The following SMARCC2 variants were observed in gnomAD, a reference collection of about 807,000 sequenced individuals.
The protein encoded by SMARCC2 is SWI/SNF complex subunit SMARCC2.
SMARCC2 carries 15 observed loss-of-function variants against 151.3 expected under a neutral mutation model. The ratio of observed to expected loss-of-function variants is 0.10; its 90% CI spans 0.07 to 0.15. The LOEUF is 0.15. Ranked by LOEUF, SMARCC2 falls within the 10% of genes least tolerant of loss-of-function variation. The pLI is 1.00. For synonymous variants in SMARCC2, 590 were observed against 609.5 expected, an observed-to-expected ratio of 0.97 and a Z score of 0.47; for missense variants, 1,031 against 1,599.7, an observed-to-expected ratio of 0.64 and a Z score of 6.06.
chr12:56,180,941 T>G (rs1876083025), intron 11 of SMARCC2, 36 bp downstream of exon 11: 1 of 1,581,064 alleles, frequency 6.3e-7, no homozygotes, highest in South Asian at 1.1e-5. Flanking sequence ...AGACGGGGAG[T>G]GGGGGTGGAT....
At chr12:56,170,001 T>C in intron 23 of SMARCC2, 90 bp from the exon 24 acceptor site, 2 of 1,450,778 alleles carry the variant, frequency 1.4e-6, no homozygotes, top group Non-Finnish European at 1.9e-6. Flanking sequence ...CTAAATTTAT[T>C]CCTCTTACTT....
chr12:56,175,577 C>G (rs1874781611), intron 15 of SMARCC2, among the ~76,000 whole-genome samples: 1 of 152,116 alleles, frequency 6.6e-6, no homozygotes, highest in African/African-American at 2.4e-5. Flanking sequence ...TAGTATAGTG[C>G]CTGGCGCATT....
At chr12:56,179,190 A>G in intron 11 of SMARCC2, 134 bp from the exon 12 acceptor site, 1 of 709,456 alleles carries the variant, frequency 1.4e-6, no homozygotes. Flanking sequence ...CTCTCCAGTC[A>G]CAATTATTCT....
intron 8 of SMARCC2, 23 bp from the exon 9 acceptor site, chr12:56,181,858 G>C (rs746512204): frequency 1.9e-6 from 3 of 1,614,080 alleles, no homozygotes; most frequent in South Asian, 2.2e-5. Flanking sequence ...GGCAGATCAT[G>C]CTGCAGAGAA....
chr12:56,179,333 T>C (rs1289343656), intron 11 of SMARCC2, among the ~76,000 whole-genome samples: 1 of 152,258 alleles, frequency 6.6e-6, no homozygotes. Context: ...CTGTAAGCTT[T>C]TAATGGTCTG....
chr12:56,183,829 T>C (rs1205925249), intron 7 of SMARCC2, 32 bp downstream of exon 7: 7 of 1,552,238 alleles, frequency 4.5e-6, no homozygotes, highest in East Asian at 4.5e-5. Context: ...CTGGCTCTTA[T>C]ACTTAAACCT....
chr12:56,182,374 G>A (rs958697859), intron 7 of SMARCC2, among the ~76,000 whole-genome samples: 3 of 151,232 alleles, frequency 2.0e-5, no homozygotes, highest in Non-Finnish European at 4.4e-5. Flanking sequence ...ACCCAGGTTG[G>A]AGTGCAGTGG....
At position 56,164,394 on chromosome 12, in the gene SMARCC2, G is replaced by A. The variant is rs750930309; in HGVS notation, c.3570C>T (p.Leu1190=). The A allele has an allele frequency of 1.5e-5, 25 of 1,613,772 alleles. No homozygotes were observed. Among genetic ancestry groups the A allele is most frequent in the Non-Finnish European group, 2.1e-5 (25 of 1,180,028 alleles). The change falls in exon 28 of 29, where the codon CTC becomes CTT. Residue 1190 remains leucine (L), a synonymous_variant. Coordinates refer to ENST00000550164, the MANE Select transcript of SMARCC2 (RefSeq NM_001330288.2). ...ATTTMPSSLP[L]GPGLGSAAAQ... ...CTGCGGCGGATCCGAGCCCCGGCCCGAGAGGCAAGGAAGATGGCATGGTGG... is the reference window on the plus strand; with the variant it reads ...CTGCGGCGGATCCGAGCCCCGGCCCAAGAGGCAAGGAAGATGGCATGGTGG...
At chr12:56,174,540 CT>C (rs1243728151) in intron 16 of SMARCC2, 110 bp downstream of exon 16, 5 of 710,314 alleles carry the variant, frequency 7.0e-6, no homozygotes, top group Admixed American at 4.7e-5. Context: ...TCTAGAGGTG[CT>C]TTTTTCTGTC....
rs976872639 is a variant in SMARCC2, at chr12:56,185,254, C to G, written c.318-143G>C. 3.1e-5 allele frequency: 20 copies of G among 639,818 alleles called. No individual in the cohort carries two copies. The Admixed American group carries it at 3.2e-4, about 10-fold the overall frequency. 39.6% of individuals were successfully genotyped at this position (639,818 alleles called of 1,614,324 possible). On this transcript the variant is annotated intron_variant, in intron 3 of 28. Transcript: ENST00000550164. ...AGTGCAGTGGCGCGATCCCGGCTCACTGCAACCTCTGCCTCCCAGGTTCAA... is the reference window on the plus strand; with the variant it reads ...AGTGCAGTGGCGCGATCCCGGCTCAGTGCAACCTCTGCCTCCCAGGTTCAA...
chr12:56,168,177 C>T lies in SMARCC2; in HGVS notation c.2733G>A (p.Glu911=). The part of the protein sequence containing the change: ...AVKAKHLAAV[E]ERKIKSLVAL... ...CCACCAAAGATTTGATCTTCCTTTCCTCAACAGCAGCCAAGTGCTAGGGAA... is the reference window on the plus strand; with the variant it reads ...CCACCAAAGATTTGATCTTCCTTTCTTCAACAGCAGCCAAGTGCTAGGGAA... The change falls in exon 26 of 29, where the codon GAG becomes GAA. Residue 911 remains glutamate, a synonymous_variant. Coordinates refer to ENST00000550164, the MANE Select transcript of SMARCC2 (RefSeq NM_001330288.2). The T allele has an allele frequency of 1.9e-6, 3 of 1,614,086 alleles. No homozygotes were observed. Among genetic ancestry groups the T allele is most frequent in the Non-Finnish European group, 2.5e-6 (3 of 1,180,000 alleles).
At chr12:56,178,242 G>C (rs753455160) in intron 14 of SMARCC2, 149 bp from the exon 15 acceptor site, 1 of 930,376 alleles carries the variant, frequency 1.1e-6, no homozygotes, top group Non-Finnish European at 1.7e-6. Context: ...CAGGCTGTAA[G>C]ACTCAAAAGG....
chr12:56,172,669 A>C lies in SMARCC2; in HGVS notation c.1779T>G (p.Pro593=), dbSNP rs1413490820. 1 of 1,614,152 alleles carries C rather than the reference A, an allele frequency of 6.2e-7. No homozygotes were observed. Among genetic ancestry groups the C allele is most frequent in the Admixed American group, 1.7e-5 (1 of 60,024 alleles). ...TSASQQMLNF[P]DKGKEKPTDM... is the part of the protein sequence containing the mutation. Reference sequence around the variant, plus strand: ...CTGTTGGTTTCTCTTTGCCTTTGTCAGGAAAGTTGAGCATTTGTTGGGAAG... The same window carrying C: ...CTGTTGGTTTCTCTTTGCCTTTGTCCGGAAAGTTGAGCATTTGTTGGGAAG... The change falls in exon 19 of 29, where the codon CCT becomes CCG. Residue 593 remains proline (P), a synonymous_variant. Coordinates refer to ENST00000550164, the MANE Select transcript of SMARCC2 (RefSeq NM_001330288.2).
intron 14 of SMARCC2, 144 bp downstream of exon 14, chr12:56,178,260 G>T: frequency 2.0e-6 from 2 of 995,592 alleles, no homozygotes; most frequent in Non-Finnish European, 3.1e-6. Flanking sequence ...AGGACACAAG[G>T]AGCTCCCCTA....
intron 13 of SMARCC2, 87 bp downstream of exon 13, chr12:56,178,723 G>T: frequency 6.7e-7 from 1 of 1,493,688 alleles, no homozygotes; most frequent in Non-Finnish European, 9.3e-7. Flanking sequence ...GGTAAAGTCT[G>T]GGCAGTGAAA....
At position 56,169,656 on chromosome 12, in the gene SMARCC2, T is replaced by A. The variant is rs1208341423; in HGVS notation, c.2588A>T (p.Glu863Val). The A allele has an allele frequency of 6.2e-7, 1 of 1,614,128 alleles. No homozygotes were observed. Among genetic ancestry groups the A allele is most frequent in the Admixed American group, 1.7e-5 (1 of 60,016 alleles). ...EKEKEPKEGQ[E>V]EVLKEVVESE... The stretch of plus-strand genomic sequence containing the variant: ...CTCCACCACTTCCTTCAGCACTTCC[T>A]CCTGCCCTTCCTTTGGCTCCTTCTC... The change falls in exon 25 of 29, where the codon GAG becomes GTG. Residue 863 changes from glutamate (E) to valine (V), a missense_variant. Glu to Val is a moderately radical substitution (Grantham distance 121, BLOSUM62 -2). This residue lies in a region of SMARCC2 where 119 missense variants were observed against 184.2 expected (regional missense o/e 0.65). Coordinates refer to ENST00000550164, the MANE Select transcript of SMARCC2 (RefSeq NM_001330288.2).
intron 5 of SMARCC2, chr12:56,184,534 C>T (rs1405859): frequency 0.016 from 8,768 of 538,534 alleles, 492 homozygotes; most frequent in African/African-American, 0.13. Flanking sequence ...CTATTCATTA[C>T]TATAAAGTTC....
At chr12:56,187,108 C>CT in intron 2 of SMARCC2, 79 bp downstream of exon 2, 1 of 1,436,524 alleles carries the variant, frequency 7.0e-7, no homozygotes, top group Non-Finnish European at 9.5e-7. Flanking sequence ...ATTCACAAAT[C>CT]TTTTTTTAAA....
At chr12:56,180,497 A>C (rs1875979403) in intron 11 of SMARCC2, among the ~76,000 whole-genome samples, 1 of 150,886 alleles carries the variant, frequency 6.6e-6, no homozygotes, top group Non-Finnish European at 1.5e-5. Context: ...TCTACCTCCC[A>C]GGTTCAAGCA....
Sources: gnomAD v4.1 joint callset for allele counts (sites outside exome capture counted in the v4.1 genomes callset) on GRCh38, gnomAD v4.1.1 for gene constraint, gnomAD v4.1.1 regional missense constraint, MANE v1.5 for transcripts, NCBI Gene and HGNC (gene_info 2026-07-23, HGNC 2026-07-21) for gene names.